Variants in PRKCB observed in about 807,000 individuals in gnomAD.
PRKCB encodes protein kinase C beta type.
In PRKCB, 13 loss-of-function variants were observed where a neutral mutation model predicts 81.5. That is an observed-to-expected ratio of 0.16 (90% CI 0.10 to 0.25). The LOEUF is 0.25. Among genes scored for constraint, PRKCB ranks in the 10% least tolerant of loss-of-function variants. The pLI, the probability that PRKCB is intolerant of heterozygous loss-of-function variation, is 1.00. For missense variants in PRKCB, 509 were observed against 875.7 expected, an observed-to-expected ratio of 0.58 and a Z score of 5.29; for synonymous variants, 335 against 321.4, an observed-to-expected ratio of 1.04 and a Z score of -0.45.
At chr16:23,899,487 G>A (rs1462712546) in intron 2 of PRKCB, among the ~76,000 whole-genome samples, 2 of 152,176 alleles carry the variant, frequency 1.3e-5, no homozygotes, top group African/African-American at 2.4e-5. Context: ...GAAACAGAAT[G>A]GTGGAAATGC....
chr16:23,899,984 G>A (rs1963444471), intron 2 of PRKCB, among the ~76,000 whole-genome samples: 1 of 152,074 alleles, frequency 6.6e-6, no homozygotes, highest in African/African-American at 2.4e-5. Context: ...GAGAGAGAAG[G>A]AAATAAGGAA....
intron 3 of PRKCB, among the ~76,000 whole-genome samples, chr16:23,990,326 T>TG (rs1384919038): frequency 6.6e-6 from 1 of 151,824 alleles, no homozygotes; most frequent in African/African-American, 2.4e-5. Context: ...GGCATGGTGG[T>TG]GGGCGCCTGT....
chr16:23,928,094 A>C (rs1029357347), intron 2 of PRKCB, among the ~76,000 whole-genome samples: 19 of 151,920 alleles, frequency 1.3e-4, no homozygotes, highest in African/African-American at 4.6e-4. Flanking sequence ...AAATGAAAGA[A>C]TGTATAGGGC....
chr16:24,118,692 G>A (rs1262520938), intron 8 of PRKCB, among the ~76,000 whole-genome samples: 1 of 152,182 alleles, frequency 6.6e-6, no homozygotes, highest in African/African-American at 2.4e-5. Flanking sequence ...TCTTAGCATT[G>A]AGTTCTAGGG....
chr16:23,864,128 A>G (rs186137363), intron 2 of PRKCB, among the ~76,000 whole-genome samples: 37 of 152,260 alleles, frequency 2.4e-4, no homozygotes, highest in Admixed American at 2.2e-3. Context: ...TCCTAGGAAA[A>G]TCATATGATT....
At chr16:24,098,080 C>T (rs1035438998) in intron 7 of PRKCB, among the ~76,000 whole-genome samples, 1 of 152,156 alleles carries the variant, frequency 6.6e-6, no homozygotes, top group African/African-American at 2.4e-5. Context: ...AACAGTTTTT[C>T]AGGTTAACTT....
intron 8 of PRKCB, among the ~76,000 whole-genome samples, chr16:24,116,970 C>G (rs1420548533): frequency 6.6e-6 from 1 of 152,016 alleles, no homozygotes; most frequent in African/African-American, 2.4e-5. Context: ...GAATAGGAGA[C>G]TGTTTTATCC....
intron 2 of PRKCB, among the ~76,000 whole-genome samples, chr16:23,956,393 G>A (rs1277080198): frequency 3.3e-5 from 5 of 151,986 alleles, no homozygotes; most frequent in Admixed American, 3.3e-4. Flanking sequence ...GTTTTAAATG[G>A]CTGCAGAGTG....
chr16:24,183,408 T>TA (rs1172297894), intron 13 of PRKCB, among the ~76,000 whole-genome samples: 1 of 152,220 alleles, frequency 6.6e-6, no homozygotes, highest in African/African-American at 2.4e-5. Flanking sequence ...TAACTATGGT[T>TA]ACTGTGTTAC....
chr16:24,143,781 CTCTT>C (rs1246607508), intron 9 of PRKCB, among the ~76,000 whole-genome samples: 1 of 152,150 alleles, frequency 6.6e-6, no homozygotes, highest in Non-Finnish European at 1.5e-5. Context: ...CCCTAAAGGT[CTCTT>C]TGTCTATTTT....
Position 23,876,616 on chromosome 16 carries a change from G to C in PRKCB, c.205+39210G>C, listed in dbSNP as rs376856334. Among the ~76,000 whole-genome samples, 39 of 151,850 alleles carry C rather than the reference G, an allele frequency of 2.6e-4. No homozygotes were observed. The East Asian group carries it at 7.4e-3, about 29-fold the overall frequency. On this transcript the variant is annotated intron_variant, in intron 2 of 16. Coordinates refer to ENST00000643927, the MANE Select transcript of PRKCB (RefSeq NM_002738.7). Reference sequence around the variant, plus strand: ...AAATGACATTTGCGTACCTCTCTGCGTTTCTCTTTCTCCAGGATTCTTCTG... The same window carrying C: ...AAATGACATTTGCGTACCTCTCTGCCTTTCTCTTTCTCCAGGATTCTTCTG...
intron 13 of PRKCB, among the ~76,000 whole-genome samples, chr16:24,183,342 G>A (rs1967656789): frequency 1.3e-5 from 2 of 151,964 alleles, no homozygotes; most frequent in East Asian, 3.8e-4. Flanking sequence ...TTTTTTTATG[G>A]TAAAAACACT....
At chr16:24,188,951 T>C (rs754790816) in intron 15 of PRKCB, among the ~76,000 whole-genome samples, 1 of 152,202 alleles carries the variant, frequency 6.6e-6, no homozygotes, top group Non-Finnish European at 1.5e-5. Context: ...GATGTTGTCA[T>C]ACTCAGTACA....
At chr16:24,085,686 TCAGAGAAGCCATTTGAGTGAGATCACC>T (rs1420501754) in intron 5 of PRKCB, among the ~76,000 whole-genome samples, 3 of 152,130 alleles carry the variant, frequency 2.0e-5, no homozygotes, top group Non-Finnish European at 4.4e-5. Flanking sequence ...AGACAAAGGC[TCAGAGAAGCCATTTGAGTGAGATCACC>T]CAGTTAGTGA....
intron 15 of PRKCB, among the ~76,000 whole-genome samples, 172 bp from the exon 16 acceptor site, chr16:24,190,918 C>A (rs996665382): frequency 6.6e-6 from 1 of 152,124 alleles, no homozygotes; most frequent in South Asian, 2.1e-4. Flanking sequence ...CAGGTCCTCT[C>A]CTGCAAATTC....
In PRKCB at chr16:23,960,396, C is replaced by A. The variant is rs143684107; in HGVS notation, c.206-28112C>A. On this transcript the variant is annotated intron_variant, in intron 2 of 16. Coordinates refer to ENST00000643927, the MANE Select transcript of PRKCB (RefSeq NM_002738.7). Reference sequence around the variant, plus strand: ...TTACTTCTTTGCTTTCTCTCAGCACCCTTTCTCCCCTACTCTATGGTGACT... The same window carrying A: ...TTACTTCTTTGCTTTCTCTCAGCACACTTTCTCCCCTACTCTATGGTGACT... 4.1e-3 allele frequency among the ~76,000 whole-genome samples: 620 copies of A among 152,168 alleles called. 4 individuals are homozygous for A. The highest frequency in any genetic ancestry group is 5.4e-3 in the Admixed American group (83 of 15,298).
intron 2 of PRKCB, among the ~76,000 whole-genome samples, chr16:23,861,381 C>G (rs1175595125): frequency 6.6e-6 from 1 of 152,076 alleles, no homozygotes; most frequent in Non-Finnish European, 1.5e-5. Flanking sequence ...GTTTCCCAGG[C>G]TGGTCTTGAA....
chr16:23,836,436 GCGCC>G, intron 1 of PRKCB, 88 bp downstream of exon 1: 2 of 1,369,094 alleles, frequency 1.5e-6, no homozygotes, highest in African/African-American at 3.1e-5. Flanking sequence ...TGCGCCCTCC[GCGCC>G]CTCCGCACCC....
intron 9 of PRKCB, among the ~76,000 whole-genome samples, chr16:24,147,350 G>T (rs1358779080): frequency 6.6e-6 from 1 of 151,594 alleles, no homozygotes; most frequent in Non-Finnish European, 1.5e-5. Context: ...AGGCAGAAAG[G>T]TCTGCCCAAG....
Sources: gnomAD v4.1 joint callset for allele counts (sites outside exome capture counted in the v4.1 genomes callset) on GRCh38, gnomAD v4.1.1 for gene constraint, MANE v1.5 for transcripts, NCBI Gene and HGNC (gene_info 2026-07-23, HGNC 2026-07-21) for gene names.